Variants in SNX13 observed in about 807,000 individuals in gnomAD.
SNX13 encodes the protein sorting nexin 13, also known as sorting nexin-13.
SNX13 carries 45 observed loss-of-function variants against 133.6 expected under a neutral mutation model. The observed-to-expected ratio is 0.34, with a 90% CI of 0.27 to 0.43. The LOEUF (loss-of-function observed/expected upper bound fraction) is 0.43, where lower values mean the gene tolerates loss of function less well. Among genes scored for constraint, SNX13 ranks in the 20% least tolerant of loss-of-function variants. The pLI, the probability that SNX13 is intolerant of heterozygous loss-of-function variation, is 1.00. For missense variants in SNX13, 1,032 were observed against 1,145.1 expected (o/e 0.90, Z 1.43); for synonymous variants, 414 against 373.9 (o/e 1.11, Z -1.24).
chr7:17,803,387 T>C, intron 21 of SNX13, 32 bp downstream of exon 21: 1 of 1,557,498 alleles, frequency 6.4e-7, no homozygotes, highest in East Asian at 2.3e-5. Context: ...AAAAATAGTT[T>C]GCTTTAGACA....
chr7:17,804,621 A>T (rs1788891957), intron 20 of SNX13, among the ~76,000 whole-genome samples: 1 of 152,046 alleles, frequency 6.6e-6, no homozygotes, highest in South Asian at 2.1e-4. Flanking sequence ...AGAAAGAGAC[A>T]TCTAAAGAAA....
At chr7:17,923,293 C>G (rs893656535) in intron 1 of SNX13, among the ~76,000 whole-genome samples, 4 of 152,074 alleles carry the variant, frequency 2.6e-5, no homozygotes, top group African/African-American at 9.7e-5. Flanking sequence ...TTAAAACAGA[C>G]TTGTATATAG....
At chr7:17,851,981 A>G (rs961058298) in intron 9 of SNX13, among the ~76,000 whole-genome samples, 5 of 152,216 alleles carry the variant, frequency 3.3e-5, no homozygotes, top group African/African-American at 1.2e-4. Flanking sequence ...ACAGATACTC[A>G]GAAGATTTAC....
chr7:17,831,089 C>T (rs972574885), intron 15 of SNX13: 1 of 984,182 alleles, frequency 1.0e-6, no homozygotes, highest in Non-Finnish European at 1.2e-6. Flanking sequence ...CTGTAGTGTG[C>T]CCACCTCTTA....
chr7:17,902,593 G>A (rs1346517869), intron 1 of SNX13, among the ~76,000 whole-genome samples: 1 of 152,008 alleles, frequency 6.6e-6, no homozygotes, highest in Non-Finnish European at 1.5e-5. Flanking sequence ...AATGATACAG[G>A]ATAAAATTTA....
At position 17,793,982 on chromosome 7, in the gene SNX13, C is replaced by T. The variant is rs1783785571; in HGVS notation, c.*63G>A. 2 of 1,551,252 alleles carry T rather than the reference C, an allele frequency of 1.3e-6. No homozygotes were observed. Among genetic ancestry groups the T allele is most frequent in the Middle Eastern group, 1.7e-4 (1 of 5,744 alleles). On this transcript the variant is annotated 3_prime_UTR_variant, in exon 26 of 26. Transcript: ENST00000428135. ...ACACAACAGTATTTGAGTTAAGCCCCAGAAGATCTGTCCATACCATTAGTC... is the reference window on the plus strand; with the variant it reads ...ACACAACAGTATTTGAGTTAAGCCCTAGAAGATCTGTCCATACCATTAGTC...
chr7:17,847,235 G>GCACA (rs35220289), intron 11 of SNX13, among the ~76,000 whole-genome samples: 39 of 150,840 alleles, frequency 2.6e-4, no homozygotes, highest in African/African-American at 9.0e-4. Flanking sequence ...AAACAAAGGT[G>GCACA]CACACACACA....
intron 9 of SNX13, among the ~76,000 whole-genome samples, chr7:17,868,058 G>C (rs1292734193): frequency 6.6e-6 from 1 of 152,026 alleles, no homozygotes; most frequent in African/African-American, 2.4e-5. Context: ...TAAAATGTGA[G>C]TTACATGTCA....
At position 17,810,814 on chromosome 7, in the gene SNX13, T is replaced by C. The variant is rs181967956; in HGVS notation, c.2064+4020A>G. Reference sequence around the variant, plus strand: ...AAAAAGCCTATCCACCACAATCAAGTTGGCTTCATCCCTGGGATGCAAGGC... The same window carrying C: ...AAAAAGCCTATCCACCACAATCAAGCTGGCTTCATCCCTGGGATGCAAGGC... On this transcript the variant is annotated intron_variant, in intron 20 of 25. Transcript: ENST00000428135. 2.6e-5 allele frequency among the ~76,000 whole-genome samples: 4 copies of C among 152,324 alleles called. No individual in the cohort carries two copies. The East Asian group carries it at 5.8e-4, about 22-fold the overall frequency.
chr7:17,869,951 A>T (rs952508984), intron 8 of SNX13, among the ~76,000 whole-genome samples: 2 of 152,066 alleles, frequency 1.3e-5, no homozygotes, highest in African/African-American at 2.4e-5. Context: ...CCTGGGGAAA[A>T]TTTTTGATTA....
At chr7:17,937,552 C>G (rs1802254752) in intron 1 of SNX13, among the ~76,000 whole-genome samples, 1 of 148,492 alleles carries the variant, frequency 6.7e-6, no homozygotes, top group South Asian at 2.2e-4. Context: ...TTTCACAAAA[C>G]GCAAAACTGA....
intron 3 of SNX13, 53 bp downstream of exon 3, chr7:17,893,279 T>C (rs1796832553): frequency 2.5e-6 from 3 of 1,214,802 alleles, no homozygotes; most frequent in South Asian, 2.7e-5. Flanking sequence ...ATTACTCTAT[T>C]ATCATTGCAA....
At chr7:17,890,535 G>T in intron 4 of SNX13, 51 bp from the exon 5 acceptor site, 7 of 1,403,258 alleles carry the variant, frequency 5.0e-6, no homozygotes, top group Non-Finnish European at 6.8e-6. Flanking sequence ...GATTTAAAAA[G>T]TTACAGTGGT....
intron 1 of SNX13, among the ~76,000 whole-genome samples, chr7:17,906,619 C>CA (rs1378578467): frequency 6.6e-6 from 1 of 151,934 alleles, no homozygotes; most frequent in South Asian, 2.1e-4. Flanking sequence ...GTGGTTAGAG[C>CA]AAGAATCAAT....
intron 8 of SNX13, among the ~76,000 whole-genome samples, chr7:17,872,175 A>G (rs1293840006): frequency 6.6e-6 from 1 of 152,226 alleles, no homozygotes; most frequent in African/African-American, 2.4e-5. Context: ...ACGGATGAGC[A>G]AGAAAAAGTC....
At chr7:17,808,960 TAAACATGGAAAGG>T (rs1425509971) in intron 20 of SNX13, among the ~76,000 whole-genome samples, 1 of 152,108 alleles carries the variant, frequency 6.6e-6, no homozygotes, top group Non-Finnish European at 1.5e-5. Flanking sequence ...AAGGAAGCAC[TAAACATGGAAAGG>T]AACAACCAGT....
At chr7:17,877,565 A>T (rs899460008) in intron 5 of SNX13, among the ~76,000 whole-genome samples, 3 of 152,100 alleles carry the variant, frequency 2.0e-5, no homozygotes, top group African/African-American at 7.2e-5. Flanking sequence ...ATAATATTTC[A>T]AGTTACATCT....
intron 9 of SNX13, among the ~76,000 whole-genome samples, chr7:17,860,960 G>C (rs904487364): frequency 1.3e-5 from 2 of 152,190 alleles, no homozygotes; most frequent in African/African-American, 4.8e-5. Context: ...GCTCTGGGCA[G>C]TATGGCTGTC....
chr7:17,808,170 G>A (rs1372967777), intron 20 of SNX13, among the ~76,000 whole-genome samples: 1 of 152,052 alleles, frequency 6.6e-6, no homozygotes, highest in African/African-American at 2.4e-5. Flanking sequence ...TGACCTAAAG[G>A]AGCATGTTCT....
Sources: allele counts gnomAD v4.1 joint callset (sites outside exome capture counted in the v4.1 genomes callset), GRCh38; gene constraint gnomAD v4.1.1; transcripts MANE v1.5; gene names NCBI Gene and HGNC (gene_info 2026-07-23, HGNC 2026-07-21).